The following PPFIBP2 variants were observed in gnomAD, a reference collection of about 807,000 sequenced individuals.
The protein encoded by PPFIBP2 is PPFIB scaffold protein 2, also known as liprin-beta-2.
A neutral mutation model predicts 118.3 loss-of-function variants in PPFIBP2; 118 were observed. That is an observed-to-expected ratio of 1.00 (90% CI 0.86 to 1.16). The LOEUF is 1.16. Among genes scored for constraint, PPFIBP2 ranks in the 50% most tolerant of loss-of-function variants. The pLI is 0.00. For synonymous variants in PPFIBP2, 414 were observed against 397.4 expected (o/e 1.04, Z -0.50); for missense variants, 1,195 against 1,073.1 (o/e 1.11, Z -1.59).
intron 6 of PPFIBP2, 44 bp from the exon 7 acceptor site, chr11:7,620,891 A>G: frequency 2.8e-6 from 4 of 1,425,002 alleles, no homozygotes; most frequent in Non-Finnish European, 4.0e-6. Flanking sequence ...TCAAGAGCAC[A>G]TCTTTTAACC....
chr11:7,602,519 G>A (rs1416428352), intron 5 of PPFIBP2, among the ~76,000 whole-genome samples: 2 of 152,196 alleles, frequency 1.3e-5, no homozygotes, highest in African/African-American at 4.8e-5. Context: ...TCTAGAGGAG[G>A]AAGAAGCTGA....
At chr11:7,601,017 T>G (rs1423528361) in intron 5 of PPFIBP2, among the ~76,000 whole-genome samples, 1 of 152,214 alleles carries the variant, frequency 6.6e-6, no homozygotes, top group African/African-American at 2.4e-5. Context: ...CCAGGGGGAC[T>G]TGGGGAAAGC....
intron 1 of PPFIBP2, among the ~76,000 whole-genome samples, chr11:7,519,313 C>T (rs899223406): frequency 2.0e-5 from 3 of 151,986 alleles, no homozygotes; most frequent in East Asian, 1.9e-4. Flanking sequence ...ATCAGGGCTG[C>T]GAGAATGGAG....
intron 5 of PPFIBP2, among the ~76,000 whole-genome samples, chr11:7,605,332 TGAG>T (rs1847208140): frequency 1.3e-5 from 2 of 152,176 alleles, no homozygotes; most frequent in South Asian, 2.1e-4. Context: ...AGAGATTATT[TGAG>T]GAGAAGAGGG....
intron 13 of PPFIBP2, 64 bp from the exon 14 acceptor site, chr11:7,635,488 C>T: frequency 6.7e-7 from 1 of 1,484,592 alleles, no homozygotes; most frequent in East Asian, 2.3e-5. Context: ...TGAGTTGTTG[C>T]TGTTTGTGAA....
intron 5 of PPFIBP2, chr11:7,598,478 T>G (rs1454221597): frequency 1.9e-5 from 3 of 156,232 alleles, no homozygotes; most frequent in South Asian, 1.8e-4. Flanking sequence ...CTTCAGAATT[T>G]GTTGAGAAGC....
chr11:7,565,326 C>T (rs1243185772), intron 2 of PPFIBP2, among the ~76,000 whole-genome samples: 2 of 152,160 alleles, frequency 1.3e-5, no homozygotes, highest in Non-Finnish European at 2.9e-5. Context: ...AGTGACTATT[C>T]GCAAGCCAGA....
chr11:7,533,743 C>G (rs542056092), intron 1 of PPFIBP2, among the ~76,000 whole-genome samples: 3 of 152,160 alleles, frequency 2.0e-5, no homozygotes, highest in Non-Finnish European at 4.4e-5. Flanking sequence ...AGAGGAAGTA[C>G]AGAAAATGGG....
chr11:7,634,300 AT>A (rs1851161835), intron 12 of PPFIBP2, among the ~76,000 whole-genome samples, 194 bp from the exon 13 acceptor site: 1 of 152,122 alleles, frequency 6.6e-6, no homozygotes, highest in Non-Finnish European at 1.5e-5. Context: ...TTACTAACAC[AT>A]TATTGGACCA....
At chr11:7,589,207 A>G (rs1312937562) in intron 3 of PPFIBP2, among the ~76,000 whole-genome samples, 2 of 152,172 alleles carry the variant, frequency 1.3e-5, no homozygotes, top group Non-Finnish European at 2.9e-5. Context: ...TCTTATATTC[A>G]TCTGTGGATT....
intron 21 of PPFIBP2, among the ~76,000 whole-genome samples, chr11:7,650,053 T>A (rs1001401035): frequency 2.6e-5 from 4 of 152,196 alleles, no homozygotes; most frequent in African/African-American, 9.7e-5. Flanking sequence ...GTATCCCTAC[T>A]TGTAGATCCA....
chr11:7,592,021 C>G (rs1859402720), intron 3 of PPFIBP2, among the ~76,000 whole-genome samples: 1 of 152,216 alleles, frequency 6.6e-6, no homozygotes, highest in South Asian at 2.1e-4. Flanking sequence ...TCTCTCACAT[C>G]TGCCTCTTTG....
At chr11:7,628,699 A>G (rs889498652) in intron 9 of PPFIBP2, among the ~76,000 whole-genome samples, 2 of 152,212 alleles carry the variant, frequency 1.3e-5, no homozygotes, top group Non-Finnish European at 2.9e-5. Context: ...TGACCTGACA[A>G]TAGAACCATC....
downstream of PPFIBP2, among the ~76,000 whole-genome samples, chr11:7,658,021 G>C (rs891930644): frequency 6.6e-6 from 1 of 152,244 alleles, no homozygotes; most frequent in Non-Finnish European, 1.5e-5. Context: ...ATACAGGCAT[G>C]AATGCCAAGG....
rs1850674000 is a variant in PPFIBP2 at position 7,630,929 on chromosome 11, T to C, written c.969T>C (p.Pro323=). The C allele has an allele frequency of 6.2e-7, 1 of 1,613,294 alleles. No homozygotes were observed. The highest frequency in any genetic ancestry group is 1.7e-5 in the Admixed American group (1 of 59,988). Residue 323 remains proline, a synonymous_variant, in exon 11 of 24, where the codon CCT becomes CCC. Transcript: ENST00000299492. The part of the protein sequence containing the change: ...VKEIVMVTQG[P]SERTLSINEE... ...TTACTACCTTAATGCTTGCAGGGCC[T>C]TCGGAGAGAACTCTCTCAATCAATG...
intron 14 of PPFIBP2, among the ~76,000 whole-genome samples, chr11:7,638,495 A>T (rs1422177108): frequency 6.6e-6 from 1 of 152,212 alleles, no homozygotes; most frequent in Admixed American, 6.5e-5. Flanking sequence ...TGAATCTCAA[A>T]CAATTTCTAG....
chr11:7,646,971 G>C lies in PPFIBP2; in HGVS notation c.1647-1416G>C, dbSNP rs760821807. 8.4e-4 allele frequency among the ~76,000 whole-genome samples: 128 copies of C among 151,890 alleles called. 1 individual carries two copies. Among genetic ancestry groups the C allele is most frequent in the Admixed American group, 4.4e-3 (67 of 15,248 alleles). On this transcript the variant is annotated intron_variant, in intron 17 of 23. Coordinates refer to ENST00000299492, the MANE Select transcript of PPFIBP2 (RefSeq NM_003621.5). ...TATTCAAATTTTATACTATTTTGAA[G>C]AGAAAGTTTGTAAGTTCCAGGCCTC...
chr11:7,553,053 A>G (rs1448868014), intron 2 of PPFIBP2, among the ~76,000 whole-genome samples: 1 of 151,350 alleles, frequency 6.6e-6, no homozygotes, highest in African/African-American at 2.4e-5. Context: ...CATTTAATAC[A>G]TGCTAGATGT....
rs370408738 is a variant in PPFIBP2, at chr11:7,642,287, T to G, written c.1518-11T>G. 2.4e-5 allele frequency: 39 copies of G among 1,613,732 alleles called. No individual in the cohort carries two copies. The African/African-American group carries it at 4.5e-4, about 19-fold the overall frequency. ...TTCCATGACCGTCTCCATGGATTCT[T>G]CTCCATGCAGAATCCGAAGAACTCA... is the stretch of plus-strand genomic sequence containing the variant. On this transcript the variant is annotated splice_polypyrimidine_tract_variant and intron_variant, in intron 16 of 23. Transcript: ENST00000299492.
Sources: allele counts gnomAD v4.1 joint callset (sites outside exome capture counted in the v4.1 genomes callset), GRCh38; gene constraint gnomAD v4.1.1; transcripts MANE v1.5; gene names NCBI Gene and HGNC (gene_info 2026-07-23, HGNC 2026-07-21).